CCR3: variants seen among roughly 807,000 people sequenced by gnomAD.
CCR3 encodes C-C chemokine receptor type 3.
For missense variants in CCR3, 419 were observed against 437.5 expected, an observed-to-expected ratio of 0.96 and a Z score of 0.38; for synonymous variants, 203 against 179.2, an observed-to-expected ratio of 1.13 and a Z score of -1.06.
chr3:46,256,038 T>A (rs930922779), intron 1 of CCR3, among the ~76,000 whole-genome samples: 2 of 152,218 alleles, frequency 1.3e-5, no homozygotes, highest in Admixed American at 6.5e-5. Flanking sequence ...GAGCATGGGA[T>A]GTGTTTCCAT....
intron 2 of CCR3, among the ~76,000 whole-genome samples, chr3:46,216,258 A>G (rs1439948798): frequency 6.6e-6 from 1 of 152,228 alleles, no homozygotes; most frequent in African/African-American, 2.4e-5. Flanking sequence ...ATGTGTTGAC[A>G]CGAAACGCCC....
chr3:46,231,673 A>AAG (rs1365503055), intron 2 of CCR3, among the ~76,000 whole-genome samples: 7 of 152,206 alleles, frequency 4.6e-5, no homozygotes, highest in Admixed American at 1.3e-4. Flanking sequence ...TTTTGAAGTG[A>AAG]TAGTTGTGTT....
chr3:46,225,202 C>T (rs1325654420), intron 2 of CCR3, among the ~76,000 whole-genome samples: 1 of 152,152 alleles, frequency 6.6e-6, no homozygotes, highest in East Asian at 1.9e-4. Flanking sequence ...ATAGACATGA[C>T]CTCTATGGAG....
chr3:46,222,862 G>A (rs771724498), intron 2 of CCR3, among the ~76,000 whole-genome samples: 3 of 152,200 alleles, frequency 2.0e-5, no homozygotes, highest in African/African-American at 7.2e-5. Context: ...TGGGAGCTAC[G>A]TGGCTATTTA....
exon 2 of CCR3, chr3:46,210,802 GAGGCCAT>G (rs67722888): frequency 0.068 from 10,433 of 152,378 alleles, 576 homozygotes; most frequent in South Asian, 0.27. Context: ...TGAGGAGCCA[GAGGCCAT>G]TGTGGAAGAA....
intron 2 of CCR3, among the ~76,000 whole-genome samples, chr3:46,222,087 C>G (rs1212042912): frequency 2.0e-5 from 3 of 152,218 alleles, no homozygotes; most frequent in Non-Finnish European, 4.4e-5. Flanking sequence ...CTGTCCCACT[C>G]TCTAGGACAA....
At chr3:46,248,009 G>A (rs1262991464) in intron 1 of CCR3, among the ~76,000 whole-genome samples, 1 of 152,150 alleles carries the variant, frequency 6.6e-6, no homozygotes. Context: ...CTATAGCATA[G>A]CCTGCCTTTG....
chr3:46,211,397 A>T (rs371658993), intron 2 of CCR3, among the ~76,000 whole-genome samples: 5,529 of 125,412 alleles, frequency 0.044, 188 homozygotes, highest in Admixed American at 0.14. Context: ...ATATATATAT[A>T]TTTTTTGTAG....
chr3:46,241,287 A>T (rs1700081227), upstream of CCR3, among the ~76,000 whole-genome samples: 2 of 152,164 alleles, frequency 1.3e-5, no homozygotes, highest in East Asian at 3.8e-4. Context: ...TTTGATAAAC[A>T]CTTTGGTGCA....
At chr3:46,262,797 C>T (rs1014598232) in intron 1 of CCR3, among the ~76,000 whole-genome samples, 2 of 152,064 alleles carry the variant, frequency 1.3e-5, no homozygotes, top group African/African-American at 2.4e-5. Flanking sequence ...TGGGACCACA[C>T]GTATGCGCCA....
rs113508417 is a variant in CCR3 at position 46,220,980 on chromosome 3, G to A, written c.-68+10073G>A. 9.6e-3 allele frequency among the ~76,000 whole-genome samples: 1,469 copies of A among 152,244 alleles called. 30 individuals carry two copies. Among genetic ancestry groups the A allele is most frequent in the African/African-American group, 0.033 (1,388 of 41,532 alleles). On this transcript the variant is annotated intron_variant, in intron 2 of 3. Coordinates refer to the CCR3 transcript ENST00000357422. ...ACTTATCCATGTAACCAAACACCAC[G>A]TGTTCCCCAAAAACTATTGAAATAA...
chr3:46,230,157 G>A (rs1699945414), intron 2 of CCR3, among the ~76,000 whole-genome samples: 2 of 152,084 alleles, frequency 1.3e-5, no homozygotes, highest in African/African-American at 2.4e-5. Context: ...AAGGTAAGAA[G>A]GACTCCACAG....
chr3:46,243,302 C>T (rs1223343298), intron 1 of CCR3, among the ~76,000 whole-genome samples: 1 of 151,954 alleles, frequency 6.6e-6, no homozygotes. Flanking sequence ...AGCTTTTTCC[C>T]AGATATTTTT....
chr3:46,223,038 C>T (rs1559525441), intron 2 of CCR3, among the ~76,000 whole-genome samples: 1 of 152,312 alleles, frequency 6.6e-6, no homozygotes, highest in East Asian at 1.9e-4. Flanking sequence ...TTAACACTTA[C>T]AGTCTTGCAT....
upstream of CCR3, among the ~76,000 whole-genome samples, chr3:46,239,542 T>G (rs761385800): frequency 1.6e-4 from 24 of 152,198 alleles, 1 homozygote; most frequent in Non-Finnish European, 4.4e-5. Flanking sequence ...ACCCGGTCTG[T>G]GTGGTGCTAA....
At chr3:46,220,569 G>A (rs376879843) in intron 2 of CCR3, among the ~76,000 whole-genome samples, 14 of 152,250 alleles carry the variant, frequency 9.2e-5, no homozygotes, top group East Asian at 7.7e-4. Flanking sequence ...TTACAGCAGC[G>A]CAATTCACAA....
At chr3:46,246,932 A>T (rs1051915921) in intron 1 of CCR3, among the ~76,000 whole-genome samples, 14 of 151,806 alleles carry the variant, frequency 9.2e-5, no homozygotes, top group African/African-American at 2.7e-4. Context: ...TATTGTGGGG[A>T]TGTTAGAAGA....
intron 1 of CCR3, among the ~76,000 whole-genome samples, chr3:46,252,377 C>A (rs13094085): frequency 0.17 from 25,764 of 151,444 alleles, 2,742 homozygotes; most frequent in East Asian, 0.26. Flanking sequence ...CAAGGTTTCA[C>A]CATGTTGACC....
chr3:46,217,785 C>A (rs1699791521), intron 2 of CCR3, among the ~76,000 whole-genome samples: 1 of 151,884 alleles, frequency 6.6e-6, no homozygotes, highest in African/African-American at 2.4e-5. Context: ...AGTAACACAA[C>A]TGATCAAAAC....
Sources: allele counts gnomAD v4.1 joint callset (sites outside exome capture counted in the v4.1 genomes callset), GRCh38; gene constraint gnomAD v4.1.1; transcripts MANE v1.5; gene names NCBI Gene and HGNC (gene_info 2026-07-23, HGNC 2026-07-21).